OPHN1: variants seen among roughly 807,000 people sequenced by gnomAD.
The protein encoded by OPHN1 is oligophrenin 1.
A neutral mutation model predicts 60.7 loss-of-function variants in OPHN1; 11 were observed. That is an observed-to-expected ratio of 0.18 (90% CI 0.11 to 0.30). OPHN1 has a LOEUF of 0.30. Ranked by LOEUF, OPHN1 falls within the 10% of genes least tolerant of loss-of-function variation. The pLI is 1.00. For missense variants in OPHN1, 449 were observed against 611.0 expected, an observed-to-expected ratio of 0.73 and a Z score of 2.80; for synonymous variants, 226 against 222.6, an observed-to-expected ratio of 1.02 and a Z score of -0.14.
At chrX:68,272,902 C>T (rs2077976141) in intron 5 of OPHN1, among the ~76,000 whole-genome samples, 1 of 111,911 alleles carries the variant, frequency 8.9e-6, no homozygotes, top group Non-Finnish European at 1.9e-5. Context: ...TATTTTTATC[C>T]TCAGTTGTAA....
chrX:68,402,541 CA>C (rs764584985), intron 2 of OPHN1, among the ~76,000 whole-genome samples: 1 of 111,607 alleles, frequency 9.0e-6, no homozygotes, highest in East Asian at 2.8e-4. Flanking sequence ...TGACTCAAAG[CA>C]AAGGCAAAGT....
intron 15 of OPHN1, among the ~76,000 whole-genome samples, chrX:68,190,519 G>A (rs1463687781): frequency 1.8e-5 from 2 of 111,779 alleles, no homozygotes; most frequent in African/African-American, 6.5e-5. Flanking sequence ...ATATTCCTAT[G>A]AGAGTTAATA....
At chrX:68,180,586 A>G (rs1479474082) in intron 15 of OPHN1, among the ~76,000 whole-genome samples, 1 of 111,740 alleles carries the variant, frequency 8.9e-6, no homozygotes, top group African/African-American at 3.3e-5. Context: ...ATACCCTGGC[A>G]AATTACTTAG....
chrX:68,068,470 CAAAAAA>C (rs61188762), intron 20 of OPHN1, among the ~76,000 whole-genome samples: 1 of 39,791 alleles, frequency 2.5e-5, no homozygotes, highest in Non-Finnish European at 4.1e-5. Context: ...GACTCCATCT[CAAAAAA>C]AAAAAAAAAA....
At chrX:68,229,288 C>T (rs1477664653) in intron 6 of OPHN1, among the ~76,000 whole-genome samples, 1 of 111,904 alleles carries the variant, frequency 8.9e-6, no homozygotes, top group Admixed American at 9.5e-5. Context: ...GAAGTACATT[C>T]CATGCACATG....
intron 15 of OPHN1, among the ~76,000 whole-genome samples, chrX:68,140,393 T>C (rs2077237268): frequency 8.9e-6 from 1 of 112,287 alleles, no homozygotes; most frequent in South Asian, 3.8e-4. Flanking sequence ...TGTACGATTT[T>C]GCTCATCTTT....
In OPHN1 at chrX:68,266,594, T is replaced by C. The variant is rs1264345664; in HGVS notation, c.384+8144A>G. On this transcript the variant is annotated intron_variant, in intron 5 of 24. Transcript: ENST00000355520. ...AAAACATGCCAAATTGTAAAGACTA[T>C]CAATGCTAGGAAGAAACTGCATCAA... Among the ~76,000 whole-genome samples, 4 of 111,524 alleles carry C rather than the reference T, an allele frequency of 3.6e-5. No homozygotes were observed. The East Asian group carries it at 1.1e-3, about 31-fold the overall frequency.
Position 68,274,822 on chromosome X carries a change from G to GA in OPHN1, c.313-14dup. ...TAGCATTGTGTACCTAGACAAAAAG[G>GA]AAAAACAAACAAAACAATTTCTAGG... On this transcript the variant is annotated splice_polypyrimidine_tract_variant and intron_variant, in intron 4 of 24. Coordinates refer to ENST00000355520, the MANE Select transcript of OPHN1 (RefSeq NM_002547.3). 2 of 1,170,537 alleles carry GA rather than the reference G, an allele frequency of 1.7e-6. No homozygotes were observed. Among genetic ancestry groups the GA allele is most frequent in the Non-Finnish European group, 2.3e-6 (2 of 860,294 alleles).
chrX:68,335,279 G>C (rs1226098088), intron 2 of OPHN1, among the ~76,000 whole-genome samples: 1 of 111,077 alleles, frequency 9.0e-6, no homozygotes, highest in African/African-American at 3.3e-5. Flanking sequence ...GGACCCCAAA[G>C]CCCACAGTTC....
chrX:68,363,437 G>T (rs1277878659), intron 2 of OPHN1, among the ~76,000 whole-genome samples: 2 of 110,008 alleles, frequency 1.8e-5, no homozygotes, highest in Non-Finnish European at 3.8e-5. Context: ...AGTCTCCCAA[G>T]TATCTGGGAT....
At chrX:68,243,430 C>T (rs1168635940) in intron 5 of OPHN1, among the ~76,000 whole-genome samples, 1 of 111,666 alleles carries the variant, frequency 9.0e-6, no homozygotes, top group Non-Finnish European at 1.9e-5. Context: ...TTCTGTCACC[C>T]AGGCTGGAGT....
In OPHN1 at chrX:68,341,076, C is replaced by CAA. The variant is rs1157921152; in HGVS notation, c.155-41982_155-41981dup. 7.5e-3 allele frequency among the ~76,000 whole-genome samples: 640 copies of CAA among 85,460 alleles called. 8 individuals carry two copies. The highest frequency in any genetic ancestry group is 0.026 in the African/African-American group (615 of 23,671). The allele number at this position is 85,460 out of a possible 115,157, so 74.2% of individuals were successfully genotyped here. A position where few individuals can be genotyped will look rare whatever the true frequency, so the allele number is the denominator to read the frequency against. ...ACATCAATTAAACATTTTTTTACTG[C>CAA]AAAAAAAAAAAAAATGAAGTTGTAA... is the stretch of plus-strand genomic sequence containing the variant. On this transcript the variant is annotated intron_variant, in intron 2 of 24. Coordinates refer to ENST00000355520, the MANE Select transcript of OPHN1 (RefSeq NM_002547.3).
At chrX:68,426,589 G>C (rs1314812400) in intron 2 of OPHN1, among the ~76,000 whole-genome samples, 1 of 29,685 alleles carries the variant, frequency 3.4e-5, no homozygotes, top group Non-Finnish European at 1.5e-4. Flanking sequence ...GAGGCTGGGC[G>C]TGATGGCTCA....
intron 3 of OPHN1, among the ~76,000 whole-genome samples, chrX:68,295,658 G>A (rs1043089299): frequency 6.2e-5 from 7 of 112,279 alleles, no homozygotes; most frequent in Non-Finnish European, 1.3e-4. Flanking sequence ...AAAAAGTCAC[G>A]GTCAGATCAA....
chrX:68,295,168 G>T (rs2147622465), intron 3 of OPHN1, among the ~76,000 whole-genome samples: 1 of 112,132 alleles, frequency 8.9e-6, no homozygotes, highest in East Asian at 2.8e-4. Flanking sequence ...ACTCGGATAT[G>T]AAGTTATACG....
intron 2 of OPHN1, among the ~76,000 whole-genome samples, chrX:68,341,491 C>T (rs949654595): frequency 9.0e-6 from 1 of 111,244 alleles, no homozygotes; most frequent in African/African-American, 3.3e-5. Context: ...ATTTATTCAA[C>T]AAGGAAATTG....
intron 2 of OPHN1, among the ~76,000 whole-genome samples, chrX:68,413,099 G>A (rs926535347): frequency 9.0e-6 from 1 of 111,313 alleles, no homozygotes; most frequent in Admixed American, 9.6e-5. Context: ...AAAATAGCCT[G>A]CCATCAAATG....
intron 2 of OPHN1, among the ~76,000 whole-genome samples, chrX:68,358,186 T>C (rs185623992): frequency 1.8e-3 from 201 of 109,115 alleles, no homozygotes; most frequent in African/African-American, 6.3e-3. Context: ...CCAGGCATGG[T>C]GCTGCACACC....
At chrX:68,192,654 A>G in intron 15 of OPHN1, 1 of 361,351 alleles carries the variant, frequency 2.8e-6, no homozygotes, top group Non-Finnish European at 4.9e-6. Context: ...GCCTGGCCAC[A>G]CAGTTCCAGT....
Sources: gnomAD v4.1 joint callset for allele counts (sites outside exome capture counted in the v4.1 genomes callset) on GRCh38, gnomAD v4.1.1 for gene constraint, MANE v1.5 for transcripts, NCBI Gene and HGNC (gene_info 2026-07-23, HGNC 2026-07-21) for gene names.